Variants in TUSC3 observed in about 807,000 individuals in gnomAD.
The protein encoded by TUSC3 is dolichyl-diphosphooligosaccharide--protein glycosyltransferase subunit TUSC3.
In TUSC3, 45 loss-of-function variants were observed where a neutral mutation model predicts 44.8. That is an observed-to-expected ratio of 1.00 (90% CI 0.79 to 1.29). TUSC3 has a LOEUF of 1.29. Among genes scored for constraint, TUSC3 ranks in the 50% most tolerant of loss-of-function variants. The probability of loss-of-function intolerance (pLI) is 0.00; values close to 1 mark genes in which losing one functional copy is unlikely to be tolerated. For synonymous variants in TUSC3, 212 were observed against 152.9 expected, an observed-to-expected ratio of 1.39 and a Z score of -2.85; for missense variants, 519 against 437.9, an observed-to-expected ratio of 1.19 and a Z score of -1.65.
intron 2 of TUSC3, among the ~76,000 whole-genome samples, chr8:15,625,504 C>G (rs1385983404): frequency 1.3e-5 from 2 of 152,144 alleles, no homozygotes; most frequent in African/African-American, 2.4e-5. Context: ...ATTACATAAT[C>G]CATTTCCTCG....
intron 2 of TUSC3, among the ~76,000 whole-genome samples, chr8:15,504,013 C>CAAA (rs11330340): frequency 1.8e-5 from 2 of 113,146 alleles, no homozygotes; most frequent in Non-Finnish European, 1.8e-5. Flanking sequence ...GACTCTGTCT[C>CAAA]AAAAAAAAAA....
chr8:15,684,225 C>T (rs111295634), intron 6 of TUSC3, among the ~76,000 whole-genome samples: 17 of 152,134 alleles, frequency 1.1e-4, no homozygotes, highest in Admixed American at 9.8e-4. Context: ...GGGGCAGGCT[C>T]TAATGGGCTG....
In TUSC3 at chr8:15,547,578, C is replaced by G. The variant is rs1801916218; in HGVS notation, c.138+7010C>G. 1.3e-5 allele frequency among the ~76,000 whole-genome samples: 2 copies of G among 151,514 alleles called. 1 individual carries two copies. The highest frequency in any genetic ancestry group is 4.8e-5 in the African/African-American group (2 of 41,332). On this transcript the variant is annotated intron_variant, in intron 1 of 10. Transcript: ENST00000503731. ...AGCAGACAGGATACTAGGCATTTGA[C>G]TTAGTTAGATTGTTGTCGTAGATTG...
At chr8:15,674,523 A>G (rs903750540) in intron 6 of TUSC3, among the ~76,000 whole-genome samples, 4 of 152,034 alleles carry the variant, frequency 2.6e-5, no homozygotes, top group Admixed American at 6.6e-5. Context: ...TATTTTGAGA[A>G]TAATATAATG....
At chr8:15,428,826 T>A (rs1368949728) in intron 1 of TUSC3, among the ~76,000 whole-genome samples, 1 of 152,204 alleles carries the variant, frequency 6.6e-6, no homozygotes, top group Non-Finnish European at 1.5e-5. Context: ...TGTTTGTTTT[T>A]TTCTTGTAAA....
chr8:15,589,004 G>A (rs910938913), intron 1 of TUSC3, among the ~76,000 whole-genome samples: 26 of 152,070 alleles, frequency 1.7e-4, no homozygotes, highest in African/African-American at 5.8e-4. Context: ...TTCCAGCTTT[G>A]TTCTTTTTGC....
intron 2 of TUSC3, among the ~76,000 whole-genome samples, chr8:15,634,027 C>G (rs967114943): frequency 6.6e-6 from 1 of 152,144 alleles, no homozygotes; most frequent in African/African-American, 2.4e-5. Flanking sequence ...GAGATCTCTA[C>G]TGTGATCCGA....
chr8:15,823,724 T>G, the TUSC3 span, among the ~76,000 whole-genome samples: 2 of 152,204 alleles, frequency 1.3e-5, no homozygotes, highest in African/African-American at 4.8e-5. Context: ...AGTTATCAAT[T>G]GGAACTAAAA....
At chr8:15,532,071 A>G (rs1412834767) in intron 2 of TUSC3, among the ~76,000 whole-genome samples, 4 of 152,130 alleles carry the variant, frequency 2.6e-5, no homozygotes, top group Admixed American at 1.3e-4. Flanking sequence ...TTTTGTGTGT[A>G]TATATGTCAA....
At chr8:15,471,300 T>C (rs917466681) in intron 1 of TUSC3, among the ~76,000 whole-genome samples, 16 of 152,188 alleles carry the variant, frequency 1.1e-4, no homozygotes, top group African/African-American at 3.9e-4. Flanking sequence ...GTGATGTTCT[T>C]GTGACCAGAA....
In TUSC3 at chr8:15,555,276, ATTTTTTTTTTTTTTTTTTT is replaced by A. The variant is rs35757466; in HGVS notation, c.138+14725_138+14743del. Among the ~76,000 whole-genome samples, 133 of 44,916 alleles carry A rather than the reference ATTTTTTTTTTTTTTTTTTT, an allele frequency of 3.0e-3. 3 individuals are homozygous for A. Among genetic ancestry groups the A allele is most frequent in the African/African-American group, 0.013 (123 of 9,166 alleles). 29.5% of individuals were successfully genotyped at this position (44,916 alleles called of 152,430 possible). ...GTTCATGTGCCACCATGCCAGGCTA[ATTTTTTTTTTTTTTTTTTT>A]TTTTTTTTTTTTTTTTAAAGACATG... is the stretch of plus-strand genomic sequence containing the variant. On this transcript the variant is annotated intron_variant, in intron 1 of 10. Transcript: ENST00000503731.
In TUSC3 at chr8:15,617,138, A is replaced by ATAT. The variant is rs1329882233; in HGVS notation, c.139-5941_139-5940insATT. 4.5e-4 allele frequency among the ~76,000 whole-genome samples: 40 copies of ATAT among 88,914 alleles called. No homozygotes were observed. In the East Asian group the frequency reaches 5.6e-3, roughly 13 times the overall value. The allele number at this position is 88,914 out of a possible 152,430, so 58.3% of individuals were successfully genotyped here. A position where few individuals can be genotyped will look rare whatever the true frequency, so the allele number is the denominator to read the frequency against. ...CTGTAAAATGTGTGTGTGTGTATAT[A>ATAT]TTTTTTTTTTTTTTTTTTTGAGACA... On this transcript the variant is annotated intron_variant, in intron 1 of 10. Transcript: ENST00000503731.
rs192043232 is a variant in TUSC3, at chr8:15,445,263, C to T, written n.91+27958C>T. 8.4e-3 allele frequency among the ~76,000 whole-genome samples: 1,279 copies of T among 151,554 alleles called. 11 individuals are homozygous for T. The highest frequency in any genetic ancestry group is 0.014 in the Non-Finnish European group (940 of 67,972). On this transcript the variant is annotated intron_variant and non_coding_transcript_variant, in intron 1 of 5. Coordinates refer to the TUSC3 transcript ENST00000503191. ...AATAAGGAGAAAACTATCATCTCTT[C>T]TGGGTCTCCAGGAAAAAGTAAAACT... is the stretch of plus-strand genomic sequence containing the variant.
At chr8:15,847,169 G>T in the TUSC3 span, among the ~76,000 whole-genome samples, 2 of 152,210 alleles carry the variant, frequency 1.3e-5, no homozygotes, top group Non-Finnish European at 2.9e-5. Context: ...GAAGCAGGGA[G>T]AGGCAGGGGA....
At chr8:15,620,614 G>A (rs924097444) in intron 1 of TUSC3, among the ~76,000 whole-genome samples, 1 of 152,134 alleles carries the variant, frequency 6.6e-6, no homozygotes, top group Admixed American at 6.5e-5. Flanking sequence ...CAAGTTAAGA[G>A]TATGCATTCT....
intron 1 of TUSC3, among the ~76,000 whole-genome samples, chr8:15,425,632 C>T (rs1272445722): frequency 6.6e-6 from 1 of 152,190 alleles, no homozygotes; most frequent in Non-Finnish European, 1.5e-5. Flanking sequence ...GCCACCAGGG[C>T]ATGAAGTTAG....
chr8:15,667,790 A>G, intron 5 of TUSC3, among the ~76,000 whole-genome samples: 1 of 151,826 alleles, frequency 6.6e-6, no homozygotes, highest in East Asian at 1.9e-4. Flanking sequence ...ACAATGTGAA[A>G]TGTTTTCCCC....
At chr8:15,470,099 A>T (rs990637948) in intron 1 of TUSC3, among the ~76,000 whole-genome samples, 2 of 140,736 alleles carry the variant, frequency 1.4e-5, no homozygotes, top group Non-Finnish European at 3.2e-5. Flanking sequence ...CTACAAAAAA[A>T]ATTAACAAAA....
chr8:15,611,197 G>C (rs1035305724), intron 1 of TUSC3, among the ~76,000 whole-genome samples: 4 of 151,988 alleles, frequency 2.6e-5, no homozygotes, highest in Non-Finnish European at 5.9e-5. Context: ...TGCTGTTGTT[G>C]TTTTTTTGAG....
Sources: allele counts gnomAD v4.1 joint callset (sites outside exome capture counted in the v4.1 genomes callset), GRCh38; gene constraint gnomAD v4.1.1; transcripts MANE v1.5; gene names NCBI Gene and HGNC (gene_info 2026-07-23, HGNC 2026-07-21).